SLC22A16: variants seen among roughly 807,000 people sequenced by gnomAD.
The protein encoded by SLC22A16 is solute carrier family 22 member 16.
Under a neutral mutation model 52.9 loss-of-function variants are expected in SLC22A16, and 53 were observed. That is an observed-to-expected ratio of 1.00 (90% confidence interval 0.80 to 1.26). The LOEUF is 1.26. Among genes scored for constraint, SLC22A16 ranks in the 50% most tolerant of loss-of-function variants. The probability of loss-of-function intolerance (pLI) is 0.00; values close to 1 mark genes in which losing one functional copy is unlikely to be tolerated. For missense variants in SLC22A16, 726 were observed against 704.0 expected, an observed-to-expected ratio of 1.03 and a Z score of -0.35; for synonymous variants, 291 against 268.8, an observed-to-expected ratio of 1.08 and a Z score of -0.81.
Position 110,456,767 on chromosome 6 carries a change from T to TA in SLC22A16, c.303dup (p.Ser102Ter). ...GATGTGTTCTCCCTCTTATTCCTGC[T>TA]ACACCTTGAGAGCTCCCAGATCTCA... On this transcript the variant is annotated frameshift_variant, in exon 2 of 8. Transcript: ENST00000368919. LOFTEE classifies it high-confidence loss of function. The TA allele has an allele frequency of 6.2e-7, 1 of 1,614,170 alleles. No individual in the cohort carries two copies. Among genetic ancestry groups the TA allele is most frequent in the Non-Finnish European group, 8.5e-7 (1 of 1,180,038 alleles).
chr6:110,431,279 A>G lies in SLC22A16; in HGVS notation c.1422-9T>C. 1 of 1,609,916 alleles carries G rather than the reference A, an allele frequency of 6.2e-7. No homozygotes were observed. The highest frequency in any genetic ancestry group is 8.5e-7 in the Non-Finnish European group (1 of 1,179,160). On this transcript the variant is annotated splice_polypyrimidine_tract_variant and intron_variant, in intron 6 of 7. Coordinates refer to ENST00000368919, the MANE Select transcript of SLC22A16 (RefSeq NM_033125.4). The stretch of plus-strand genomic sequence containing the variant: ...TTCCCACAGCCAGCGATCTGGAAAC[A>G]GAGGAGAGAGGCTGAGACAAGTAAG...
chr6:110,459,701 T>C (rs1184256727), intron 1 of SLC22A16, among the ~76,000 whole-genome samples: 2 of 152,182 alleles, frequency 1.3e-5, no homozygotes, highest in Non-Finnish European at 2.9e-5. Context: ...TAATGTAAGA[T>C]GTTAACAATA....
At chr6:110,459,680 G>A (rs761998173) in intron 1 of SLC22A16, among the ~76,000 whole-genome samples, 1 of 152,140 alleles carries the variant, frequency 6.6e-6, no homozygotes, top group African/African-American at 2.4e-5. Flanking sequence ...TGTTAGTTCT[G>A]ACAAATATGG....
rs150673458 is a variant in SLC22A16, at chr6:110,442,608, G to T, written c.819C>A (p.Ile273=). The change falls in exon 4 of 8, where the codon ATC becomes ATA. Residue 273 remains isoleucine (I), a synonymous_variant. Coordinates refer to ENST00000368919, the MANE Select transcript of SLC22A16 (RefSeq NM_033125.4). ...LVRTWWLYQM[I]LSTVTVPFIL... is the part of the protein sequence containing the mutation. The stretch of plus-strand genomic sequence containing the variant: ...TAAAGGGGACAGTCACTGTGGAGAG[G>T]ATCATCTGGTAAAGCCACCAGGTCC... 3 of 1,614,036 alleles carry T rather than the reference G, an allele frequency of 1.9e-6. No homozygotes were observed. Among genetic ancestry groups the T allele is most frequent in the Non-Finnish European group, 2.5e-6 (3 of 1,180,036 alleles).
rs1175273429 is a variant in SLC22A16, at chr6:110,457,151, T to G, written c.54-134A>C. 4.6e-6 allele frequency: 4 copies of G among 872,644 alleles called. No homozygotes were observed. The East Asian group carries it at 8.3e-5, about 18-fold the overall frequency. The allele number at this position is 872,644 out of a possible 1,614,324, so 54.1% of individuals were successfully genotyped here. A position where few individuals can be genotyped will look rare whatever the true frequency, so the allele number is the denominator to read the frequency against. On this transcript the variant is annotated intron_variant, in intron 1 of 7. Coordinates refer to ENST00000368919, the MANE Select transcript of SLC22A16 (RefSeq NM_033125.4). ...ATAAATATAGAAATAATTATAGACA[T>G]ATTTATATCTGTGGGTTAGTATATA...
Position 110,433,378 on chromosome 6 carries a change from A to T in SLC22A16, c.1422-2108T>A, listed in dbSNP as rs1342407615. On this transcript the variant is annotated intron_variant, in intron 6 of 7. Coordinates refer to ENST00000368919, the MANE Select transcript of SLC22A16 (RefSeq NM_033125.4). The stretch of plus-strand genomic sequence containing the variant: ...AATGTACTTACCCATCCTGGTCCAC[A>T]GGGCTGCCTGCCCTAGCATTTCAGC... Among the ~76,000 whole-genome samples, 3 of 152,166 alleles carry T rather than the reference A, an allele frequency of 2.0e-5. No homozygotes were observed. The East Asian group carries it at 5.8e-4, about 29-fold the overall frequency.
chr6:110,467,444 C>A (rs1260994396), intron 1 of SLC22A16, among the ~76,000 whole-genome samples: 4 of 152,270 alleles, frequency 2.6e-5, no homozygotes, highest in Non-Finnish European at 4.4e-5. Flanking sequence ...AAACCAACAA[C>A]AGAAGTCCTA....
At chr6:110,450,107 C>A (rs979123087) in intron 2 of SLC22A16, among the ~76,000 whole-genome samples, 2 of 152,054 alleles carry the variant, frequency 1.3e-5, no homozygotes, top group Non-Finnish European at 2.9e-5. Context: ...GGGATGCTGG[C>A]CTGGGCTCAA....
intron 6 of SLC22A16, among the ~76,000 whole-genome samples, chr6:110,432,666 G>C (rs370756216): frequency 2.0e-5 from 3 of 152,162 alleles, no homozygotes; most frequent in Non-Finnish European, 4.4e-5. Context: ...AAGCCACAAC[G>C]CAAGTTGGCA....
intron 4 of SLC22A16, among the ~76,000 whole-genome samples, chr6:110,441,193 T>G (rs1774950498): frequency 6.6e-6 from 1 of 152,206 alleles, no homozygotes; most frequent in South Asian, 2.1e-4. Context: ...ATGCCCTAAT[T>G]GACAAAGACT....
chr6:110,447,026 G>T lies in SLC22A16; in HGVS notation c.534-36C>A, dbSNP rs758342552. Reference sequence around the variant, plus strand: ...AGAGTCACACAGTGGAAGAGGAAAGGTAGAGTTGTAACAGTTTAAACATCC... The same window carrying T: ...AGAGTCACACAGTGGAAGAGGAAAGTTAGAGTTGTAACAGTTTAAACATCC... On this transcript the variant is annotated intron_variant, in intron 2 of 7. Transcript: ENST00000368919. 11 of 1,552,502 alleles carry T rather than the reference G, an allele frequency of 7.1e-6. No homozygotes were observed. In the Admixed American group the frequency reaches 1.9e-4, roughly 27 times the overall value.
At chr6:110,438,218 G>T (rs1462385908) in intron 5 of SLC22A16, among the ~76,000 whole-genome samples, 1 of 152,250 alleles carries the variant, frequency 6.6e-6, no homozygotes, top group African/African-American at 2.4e-5. Flanking sequence ...TGAATGTTCA[G>T]TATGATGATG....
At position 110,447,103 on chromosome 6, in the gene SLC22A16, T is replaced by C. The variant is rs1582551886; in HGVS notation, c.534-113A>G. 1.8e-5 allele frequency: 14 copies of C among 770,592 alleles called. No individual in the cohort carries two copies. In the East Asian group the frequency reaches 3.4e-4, roughly 19 times the overall value. 47.7% of individuals were successfully genotyped at this position (770,592 alleles called of 1,614,324 possible). On this transcript the variant is annotated intron_variant, in intron 2 of 7. Coordinates refer to ENST00000368919, the MANE Select transcript of SLC22A16 (RefSeq NM_033125.4). ...ACCTATATACCTTGAATAGCTTATGTATTGATTGTTTTTCTTTTATTTATT... is the reference window on the plus strand; with the variant it reads ...ACCTATATACCTTGAATAGCTTATGCATTGATTGTTTTTCTTTTATTTATT...
chr6:110,467,613 T>C (rs141515015), intron 1 of SLC22A16, among the ~76,000 whole-genome samples: 2 of 152,324 alleles, frequency 1.3e-5, no homozygotes, highest in Non-Finnish European at 2.9e-5. Context: ...TCATACTCAG[T>C]ACTCTGCTAA....
In SLC22A16 at chr6:110,438,841, A is replaced by C; in HGVS notation, c.1190T>G (p.Val397Gly). 3 of 1,613,940 alleles carry C rather than the reference A, an allele frequency of 1.9e-6. No individual in the cohort carries two copies. The highest frequency in any genetic ancestry group is 2.5e-6 in the Non-Finnish European group (3 of 1,179,908). The change falls in exon 5 of 8, where the codon GTG (valine) becomes GGG (glycine). Residue 397 changes from valine to glycine, a missense_variant. Coordinates refer to ENST00000368919, the MANE Select transcript of SLC22A16 (RefSeq NM_033125.4). Reference protein sequence around the residue: ...EYLNLFLLGVVEIPAYTFVCI... With the variant: ...EYLNLFLLGVGEIPAYTFVCI... Reference sequence around the variant, plus strand: ...CACGAAGGTGTAGGCGGGAATTTCCACTACACCTGTCATTGAGCAAGCAGC... The same window carrying C: ...CACGAAGGTGTAGGCGGGAATTTCCCCTACACCTGTCATTGAGCAAGCAGC...
At chr6:110,472,175 C>G (rs1776281704) in intron 1 of SLC22A16, among the ~76,000 whole-genome samples, 1 of 152,174 alleles carries the variant, frequency 6.6e-6, no homozygotes, top group African/African-American at 2.4e-5. Context: ...AACTAGAAAT[C>G]CAGGGCATGG....
rs1160146954 is a variant in SLC22A16 at position 110,442,333 on chromosome 6, A to G, written c.1094T>C (p.Ile365Thr). 6.2e-7 allele frequency: 1 copy of G among 1,614,196 alleles called. No homozygotes were observed. The highest frequency in any genetic ancestry group is 8.5e-7 in the Non-Finnish European group (1 of 1,180,034). ...ITKRTLTVWL[I>T]WFTGSLGFYS... Reference sequence around the variant, plus strand: ...GAATCCCAAACTTCCAGTGAACCAGATTAGCCAAACGGTAAGTGTCCTTTT... The same window carrying G: ...GAATCCCAAACTTCCAGTGAACCAGGTTAGCCAAACGGTAAGTGTCCTTTT... Residue 365 changes from isoleucine (I) to threonine (T), a missense_variant, in exon 4 of 8, where the codon ATC (isoleucine) becomes ACC (threonine). Transcript: ENST00000368919.
rs79713560 is a variant in SLC22A16 at position 110,439,263 on chromosome 6, A to G, written c.1184-416T>C. ...ACCATGTGTGTTTGTCTTTGGAAAC[A>G]TTTTTGTATTTATGAGATTGCCCAG... On this transcript the variant is annotated intron_variant, in intron 4 of 7. Coordinates refer to ENST00000368919, the MANE Select transcript of SLC22A16 (RefSeq NM_033125.4). 3.3e-4 allele frequency among the ~76,000 whole-genome samples: 51 copies of G among 152,324 alleles called. No homozygotes were observed. In the East Asian group the frequency reaches 8.1e-3, roughly 24 times the overall value.
At chr6:110,433,938 AAAG>A (rs1435115851) in intron 6 of SLC22A16, among the ~76,000 whole-genome samples, 1 of 151,864 alleles carries the variant, frequency 6.6e-6, no homozygotes, top group African/African-American at 2.4e-5. Context: ...TTTGCAAAAA[AAAG>A]AGTCAAAAAG....
Sources: allele counts gnomAD v4.1 joint callset (sites outside exome capture counted in the v4.1 genomes callset), GRCh38; gene constraint gnomAD v4.1.1; transcripts MANE v1.5; gene names NCBI Gene and HGNC (gene_info 2026-07-23, HGNC 2026-07-21).